The following KIRREL3 variants were observed in gnomAD, a reference collection of about 807,000 sequenced individuals.
KIRREL3 encodes kin of IRRE-like protein 3.
A neutral mutation model predicts 89.7 loss-of-function variants in KIRREL3; 36 were observed. The ratio of observed to expected loss-of-function variants is 0.40; its 90% CI spans 0.31 to 0.53. KIRREL3 has a LOEUF of 0.53. KIRREL3 is among the 20% of genes least tolerant of loss of function. KIRREL3 has a pLI of 0.49. For synonymous variants in KIRREL3, 445 were observed against 441.4 expected, an observed-to-expected ratio of 1.01 and a Z score of -0.10; for missense variants, 864 against 1,056.6, an observed-to-expected ratio of 0.82 and a Z score of 2.53.
In KIRREL3 at chr11:126,568,701, C is replaced by G. The variant is rs528088505; in HGVS notation, c.56-5789G>C. Among the ~76,000 whole-genome samples the G allele has an allele frequency of 6.6e-6, 1 of 152,182 alleles. No individual in the cohort carries two copies. The highest frequency in any genetic ancestry group is 2.1e-4 in the South Asian group (1 of 4,828). ...CTCATTTATAAAACGTTGATTCTAACGGTAAGACCCTCCTCACATGATTCA... is the reference window on the plus strand; with the variant it reads ...CTCATTTATAAAACGTTGATTCTAAGGGTAAGACCCTCCTCACATGATTCA... On this transcript the variant is annotated intron_variant, in intron 1 of 16. Coordinates refer to ENST00000525144, the MANE Select transcript of KIRREL3 (RefSeq NM_032531.4). The surrounding 1 kb of genome is among the most constrained non-coding windows in gnomAD (Gnocchi z 4.6).
rs970604889 is a variant in KIRREL3, at chr11:126,676,405, G to C, written c.56-113493C>G. On this transcript the variant is annotated intron_variant, in intron 1 of 16. Coordinates refer to ENST00000525144, the MANE Select transcript of KIRREL3 (RefSeq NM_032531.4). This position sits in a 1 kb window ranked among gnomAD's most constrained non-coding sequence, Gnocchi z 4.5. ...TCAGGCTAGAATTCTCTCCTACCCTGGGGCCTCTCTAGTCCCCCAGGGCCA... is the reference window on the plus strand; with the variant it reads ...TCAGGCTAGAATTCTCTCCTACCCTCGGGCCTCTCTAGTCCCCCAGGGCCA... Among the ~76,000 whole-genome samples, 3 of 152,102 alleles carry C rather than the reference G, an allele frequency of 2.0e-5. No individual in the cohort carries two copies. Among genetic ancestry groups the C allele is most frequent in the African/African-American group, 7.2e-5 (3 of 41,422 alleles).
At chr11:126,458,084 T>C (rs910368439) in intron 6 of KIRREL3, among the ~76,000 whole-genome samples, 1 of 152,146 alleles carries the variant, frequency 6.6e-6, no homozygotes, top group African/African-American at 2.4e-5. Flanking sequence ...CCCATCCTTT[T>C]TCCCTGTCAT....
At chr11:126,529,500 A>G (rs1958873556) in intron 2 of KIRREL3, among the ~76,000 whole-genome samples, 2 of 151,652 alleles carry the variant, frequency 1.3e-5, no homozygotes, top group African/African-American at 4.9e-5. Context: ...GCATCTCCCG[A>G]TGCCATCTGA....
intron 2 of KIRREL3, among the ~76,000 whole-genome samples, chr11:126,556,497 T>G (rs1233057631): frequency 6.6e-6 from 1 of 152,056 alleles, no homozygotes; most frequent in Non-Finnish European, 1.5e-5. Context: ...AAAAATTAGC[T>G]GGGCATGGTG....
rs1946523495 is a variant in KIRREL3 at position 126,682,889 on chromosome 11, G to A, written c.56-119977C>T. The stretch of plus-strand genomic sequence containing the variant: ...GGGCTGGGGATCCCTGTTCTATGAG[G>A]ATAGAAAATCTGGTAAAGTAATTCA... On this transcript the variant is annotated intron_variant, in intron 1 of 16. Coordinates refer to ENST00000525144, the MANE Select transcript of KIRREL3 (RefSeq NM_032531.4). This position sits in a 1 kb window ranked among gnomAD's most constrained non-coding sequence, Gnocchi z 4.8. Among the ~76,000 whole-genome samples the A allele has an allele frequency of 6.6e-6, 1 of 152,150 alleles. No homozygotes were observed. The highest frequency in any genetic ancestry group is 1.5e-5 in the Non-Finnish European group (1 of 68,032).
Position 126,972,741 on chromosome 11 carries a change from G to A in KIRREL3, c.55+27714C>T, listed in dbSNP as rs199928795. 8.5e-4 allele frequency among the ~76,000 whole-genome samples: 129 copies of A among 152,186 alleles called. 1 individual carries two copies. The highest frequency in any genetic ancestry group is 3.4e-3 in the Middle Eastern group (1 of 294). On this transcript the variant is annotated intron_variant, in intron 1 of 16. Transcript: ENST00000525144. ...TGACACCGTGTCCGTATTTGATTGC[G>A]TGTATGCCACATGTATGTACACACA...
intron 1 of KIRREL3, among the ~76,000 whole-genome samples, chr11:126,801,026 C>T (rs1951016419): frequency 6.6e-6 from 1 of 152,068 alleles, no homozygotes; most frequent in African/African-American, 2.4e-5. Context: ...GCATGCGTGC[C>T]CACATACCTG....
rs34271700 is a variant in KIRREL3 at position 126,459,008 on chromosome 11, G to A, written c.743-2554C>T. 0.27 allele frequency among the ~76,000 whole-genome samples: 41,556 copies of A among 152,106 alleles called. 6,172 individuals carry two copies. The highest frequency in any genetic ancestry group is 0.33 in the Admixed American group (4,982 of 15,292). On this transcript the variant is annotated intron_variant, in intron 6 of 16. Coordinates refer to ENST00000525144, the MANE Select transcript of KIRREL3 (RefSeq NM_032531.4). The surrounding 1 kb of genome is among the most constrained non-coding windows in gnomAD (Gnocchi z 4.8). ...CTAGAGAACATGGACACTCAGGGAG[G>A]AGCCTGCATCTCGCCGTGGGTTGGA...
At chr11:126,901,383 T>C (rs576817176) in intron 1 of KIRREL3, among the ~76,000 whole-genome samples, 7 of 152,294 alleles carry the variant, frequency 4.6e-5, no homozygotes, top group African/African-American at 1.7e-4. Flanking sequence ...TAGTCCCTTC[T>C]TCCTTGGGGA....
rs957302153 is a variant in KIRREL3, at chr11:126,525,558, A to G, written c.283+980T>C. On this transcript the variant is annotated intron_variant, in intron 3 of 16. Transcript: ENST00000525144. The surrounding 1 kb of genome is among the most constrained non-coding windows in gnomAD (Gnocchi z 5.4). The stretch of plus-strand genomic sequence containing the variant: ...TAAAAATATTAATTTCCCAACCATC[A>G]TGTTCCTGAGTGCACTTCGATTTTT... 6.6e-6 allele frequency among the ~76,000 whole-genome samples: 1 copy of G among 152,306 alleles called. No individual in the cohort carries two copies. The highest frequency in any genetic ancestry group is 2.4e-5 in the African/African-American group (1 of 41,562).
At chr11:126,510,889 C>T (rs151127958) in intron 4 of KIRREL3, among the ~76,000 whole-genome samples, 3 of 152,328 alleles carry the variant, frequency 2.0e-5, no homozygotes, top group Admixed American at 1.3e-4. Context: ...TCTGCTGTTG[C>T]TCCTCTTCAT....
In KIRREL3 at chr11:126,747,642, A is replaced by G. The variant is rs925258347; in HGVS notation, c.56-184730T>C. Among the ~76,000 whole-genome samples, 11 of 152,134 alleles carry G rather than the reference A, an allele frequency of 7.2e-5. 1 individual carries two copies. The highest frequency in any genetic ancestry group is 4.6e-4 in the Admixed American group (7 of 15,296). ...AGGAACCTGGTATAACTGAGAGCGC[A>G]TCTCCCTTGAGTTCCTTGAGACTAG... On this transcript the variant is annotated intron_variant, in intron 1 of 16. Transcript: ENST00000525144. The surrounding 1 kb of genome is among the most constrained non-coding windows in gnomAD (Gnocchi z 4.7).
rs75932493 is a variant in KIRREL3, at chr11:126,513,907, G to C, written c.433+7408C>G. 4.1e-3 allele frequency among the ~76,000 whole-genome samples: 632 copies of C among 152,290 alleles called. 3 individuals carry two copies. The highest frequency in any genetic ancestry group is 0.015 in the African/African-American group (610 of 41,538). ...CAGGGAGCTATAATATAACTTAGAG[G>C]TGAGAGACTATATGTCAGCCTCAGA... On this transcript the variant is annotated intron_variant, in intron 4 of 16. Coordinates refer to ENST00000525144, the MANE Select transcript of KIRREL3 (RefSeq NM_032531.4). The surrounding 1 kb of genome is among the most constrained non-coding windows in gnomAD (Gnocchi z 5.9).
At chr11:126,721,226 G>A (rs1380470294) in intron 1 of KIRREL3, among the ~76,000 whole-genome samples, 3 of 152,136 alleles carry the variant, frequency 2.0e-5, no homozygotes, top group African/African-American at 7.2e-5. Flanking sequence ...CCACAAGACA[G>A]CACCTTCCTT....
At chr11:126,846,085 T>A (rs545177536) in intron 1 of KIRREL3, among the ~76,000 whole-genome samples, 2 of 152,356 alleles carry the variant, frequency 1.3e-5, no homozygotes, top group South Asian at 4.2e-4. Flanking sequence ...TTTGGGGATA[T>A]CAGAAATTAC....
chr11:126,449,618 C>T (rs115302347), intron 7 of KIRREL3, among the ~76,000 whole-genome samples: 1,724 of 152,282 alleles, frequency 0.011, 34 homozygotes, highest in African/African-American at 0.039. Context: ...CATGCATGCT[C>T]ATACGTGTGC....
Position 126,742,434 on chromosome 11 carries a change from G to C in KIRREL3, c.56-179522C>G, listed in dbSNP as rs35924948. On this transcript the variant is annotated intron_variant, in intron 1 of 16. Coordinates refer to ENST00000525144, the MANE Select transcript of KIRREL3 (RefSeq NM_032531.4). This position sits in a 1 kb window ranked among gnomAD's most constrained non-coding sequence, Gnocchi z 5.3. ...ACTGATAATATGGAATGGCCAACAT[G>C]AAGCAGAAGTCAATCTCTTCGTCAG... Among the ~76,000 whole-genome samples the C allele has an allele frequency of 0.22, 32,879 of 151,998 alleles. 4,016 individuals carry two copies. Among genetic ancestry groups the C allele is most frequent in the African/African-American group, 0.3 (12,519 of 41,414 alleles).
rs1267023898 is a variant in KIRREL3, at chr11:126,773,279, G to A, written c.56-210367C>T. Among the ~76,000 whole-genome samples, 2 of 152,180 alleles carry A rather than the reference G, an allele frequency of 1.3e-5. No homozygotes were observed. The highest frequency in any genetic ancestry group is 4.8e-5 in the African/African-American group (2 of 41,448). On this transcript the variant is annotated intron_variant, in intron 1 of 16. Coordinates refer to ENST00000525144, the MANE Select transcript of KIRREL3 (RefSeq NM_032531.4). This position sits in a 1 kb window ranked among gnomAD's most constrained non-coding sequence, Gnocchi z 4.2. ...CTCTTGAATCAGGGGACTGAGTGAA[G>A]TCAATACAGTGTGGGTCGGCTTTGT... is the stretch of plus-strand genomic sequence containing the variant.
At chr11:126,868,306 G>T (rs1453827015) in intron 1 of KIRREL3, among the ~76,000 whole-genome samples, 1 of 152,196 alleles carries the variant, frequency 6.6e-6, no homozygotes, top group Non-Finnish European at 1.5e-5. Flanking sequence ...GCTTGGCTGT[G>T]TGGGGCAGAG....
Sources: gnomAD v4.1 joint callset for allele counts (sites outside exome capture counted in the v4.1 genomes callset) on GRCh38, gnomAD v4.1.1 for gene constraint, Gnocchi (gnomAD v3.1) non-coding constraint, MANE v1.5 for transcripts, NCBI Gene and HGNC (gene_info 2026-07-23, HGNC 2026-07-21) for gene names.